MAPK10: variants seen among roughly 807,000 people sequenced by gnomAD.
The protein encoded by MAPK10 is mitogen-activated protein kinase 10.
MAPK10 carries 25 observed loss-of-function variants against 59.3 expected under a neutral mutation model. That is an observed-to-expected ratio of 0.42 (90% CI 0.31 to 0.59). MAPK10 has a LOEUF of 0.59. Ranked by LOEUF, MAPK10 falls within the 20% of genes least tolerant of loss-of-function variation. The probability of loss-of-function intolerance (pLI) is 0.15; values close to 1 mark genes in which losing one functional copy is unlikely to be tolerated. For synonymous variants in MAPK10, 190 were observed against 200.5 expected (o/e 0.95, Z 0.44); for missense variants, 351 against 568.9 (o/e 0.62, Z 3.90).
intron 9 of MAPK10, chr4:86,089,672 G>A (rs4364253): frequency 0.48 from 74,085 of 154,002 alleles, 19,232 homozygotes; most frequent in African/African-American, 0.69. Context: ...TCTTGTATAC[G>A]TATTTGAAAA....
chr4:86,251,920 T>G (rs2093459840), intron 2 of MAPK10, among the ~76,000 whole-genome samples: 1 of 125,078 alleles, frequency 8.0e-6, no homozygotes, highest in African/African-American at 4.5e-5. Flanking sequence ...ATTTCTCTGA[T>G]GGCCAGTGAT....
intron 1 of MAPK10, among the ~76,000 whole-genome samples, chr4:86,513,223 C>T (rs1055313425): frequency 1.3e-5 from 2 of 151,900 alleles, no homozygotes; most frequent in African/African-American, 4.8e-5. Context: ...TATTTTTTTA[C>T]TTTTTGTAGA....
At chr4:86,239,486 T>C (rs189693100) in intron 2 of MAPK10, among the ~76,000 whole-genome samples, 1 of 152,288 alleles carries the variant, frequency 6.6e-6, no homozygotes, top group Non-Finnish European at 1.5e-5. Flanking sequence ...CTGGGCTTTT[T>C]TTTGGTTGGT....
intron 1 of MAPK10, among the ~76,000 whole-genome samples, chr4:86,367,351 C>T (rs2148990277): frequency 6.6e-6 from 1 of 152,262 alleles, no homozygotes; most frequent in Admixed American, 6.5e-5. Context: ...AGTCATGTAT[C>T]TTTCATGATA....
At chr4:86,154,392 T>C (rs547592369) in intron 4 of MAPK10, among the ~76,000 whole-genome samples, 5 of 152,226 alleles carry the variant, frequency 3.3e-5, no homozygotes, top group Admixed American at 3.3e-4. Context: ...TTCAAATGCT[T>C]CTCTGCCAGC....
chr4:86,215,925 CA>C (rs1306924632), intron 2 of MAPK10, among the ~76,000 whole-genome samples: 1 of 151,610 alleles, frequency 6.6e-6, no homozygotes, highest in Non-Finnish European at 1.5e-5. Flanking sequence ...GCTATTATTT[CA>C]AAAAAAATTA....
intron 2 of MAPK10, among the ~76,000 whole-genome samples, chr4:86,257,621 C>T (rs2093803897): frequency 6.6e-6 from 1 of 152,122 alleles, no homozygotes; most frequent in Non-Finnish European, 1.5e-5. Context: ...GATAATCTTG[C>T]CTCACACTCT....
At chr4:86,463,588 A>G (rs1751939343) in intron 1 of MAPK10, among the ~76,000 whole-genome samples, 2 of 152,022 alleles carry the variant, frequency 1.3e-5, no homozygotes, top group Non-Finnish European at 2.9e-5. Context: ...TCAGACTGCT[A>G]CTCCTTACTC....
intron 1 of MAPK10, among the ~76,000 whole-genome samples, chr4:86,553,872 C>T (rs1000496616): frequency 6.6e-6 from 1 of 151,470 alleles, no homozygotes; most frequent in African/African-American, 2.4e-5. Context: ...ATAGTTCCTT[C>T]TCTTCAGACC....
At chr4:86,288,668 C>A (rs896603526) in intron 2 of MAPK10, among the ~76,000 whole-genome samples, 2 of 151,828 alleles carry the variant, frequency 1.3e-5, no homozygotes, top group Non-Finnish European at 2.9e-5. Context: ...CCCTGTGTAC[C>A]CAAGTCTTTT....
At position 86,056,942 on chromosome 4, in the gene MAPK10, ATTTATTTTAT is replaced by A. The variant is rs573398020; in HGVS notation, c.1110+7314_1110+7323del. Among the ~76,000 whole-genome samples the A allele has an allele frequency of 9.8e-5, 11 of 111,790 alleles. 2 individuals are homozygous for A. Among genetic ancestry groups the A allele is most frequent in the Non-Finnish European group, 1.7e-4 (9 of 53,822 alleles). The allele number at this position is 111,790 out of a possible 152,430, so 73.3% of individuals were successfully genotyped here. A position where few individuals can be genotyped will look rare whatever the true frequency, so the allele number is the denominator to read the frequency against. On this transcript the variant is annotated intron_variant, in intron 11 of 13. Coordinates refer to ENST00000641462, the MANE Select transcript of MAPK10 (RefSeq NM_138982.4). ...CAGCTTGGTCAGGACTTTTTTGTTT[ATTTATTTTAT>A]TTTATTTTATTTTATTTTATTTATT...
chr4:86,422,686 C>T (rs971622177), intron 1 of MAPK10, among the ~76,000 whole-genome samples: 1 of 152,120 alleles, frequency 6.6e-6, no homozygotes, highest in Non-Finnish European at 1.5e-5. Context: ...ATATTTAACA[C>T]ACTCTCCAAA....
intron 4 of MAPK10, among the ~76,000 whole-genome samples, chr4:86,157,097 C>A (rs1030162963): frequency 6.6e-6 from 1 of 151,950 alleles, no homozygotes; most frequent in Non-Finnish European, 1.5e-5. Context: ...GTAATAACTT[C>A]TTTTGAAGAT....
chr4:86,035,131 G>A (rs2039947395), intron 11 of MAPK10, among the ~76,000 whole-genome samples: 1 of 152,048 alleles, frequency 6.6e-6, no homozygotes, highest in African/African-American at 2.4e-5. Context: ...AGAACTCTGG[G>A]AGGCCGAGGT....
intron 2 of MAPK10, among the ~76,000 whole-genome samples, chr4:86,278,102 A>G (rs901596565): frequency 3.9e-5 from 6 of 152,122 alleles, no homozygotes; most frequent in African/African-American, 1.4e-4. Flanking sequence ...CTACATCACT[A>G]TTTTGGCATG....
chr4:86,203,782 C>G (rs1489559908), intron 2 of MAPK10, among the ~76,000 whole-genome samples: 3 of 150,982 alleles, frequency 2.0e-5, no homozygotes, highest in Non-Finnish European at 4.4e-5. Context: ...AAAGGATTCT[C>G]CCTATAATAT....
chr4:86,184,666 G>GC (rs2077733841), intron 3 of MAPK10, among the ~76,000 whole-genome samples: 1 of 152,058 alleles, frequency 6.6e-6, no homozygotes, highest in Non-Finnish European at 1.5e-5. Context: ...AGATCTGGTT[G>GC]CTTAGAAGTG....
chr4:86,461,795 C>G (rs910485243), intron 1 of MAPK10, among the ~76,000 whole-genome samples: 1 of 152,062 alleles, frequency 6.6e-6, no homozygotes, highest in African/African-American at 2.4e-5. Flanking sequence ...TTCTGGAGGA[C>G]ACTGGGCAAA....
chr4:86,133,788 A>T (rs559624026), intron 4 of MAPK10, among the ~76,000 whole-genome samples: 220 of 152,342 alleles, frequency 1.4e-3, no homozygotes, highest in Middle Eastern at 3.4e-3. Context: ...AGTTGAGGAG[A>T]TAACCCATTC....
Sources: gnomAD v4.1 joint callset for allele counts (sites outside exome capture counted in the v4.1 genomes callset) on GRCh38, gnomAD v4.1.1 for gene constraint, MANE v1.5 for transcripts, NCBI Gene and HGNC (gene_info 2026-07-23, HGNC 2026-07-21) for gene names.